The following AHNAK variants were observed in gnomAD, a reference collection of about 807,000 sequenced individuals.
AHNAK encodes AHNAK nucleoprotein.
In AHNAK, 23 loss-of-function variants were observed where a neutral mutation model predicts 37.8. The observed-to-expected ratio is 0.61, with a 90% CI of 0.44 to 0.86. The LOEUF (loss-of-function observed/expected upper bound fraction) is 0.86. Ranked by LOEUF, AHNAK falls within the 40% of genes least tolerant of loss-of-function variation. The probability of loss-of-function intolerance (pLI) is 0.00; values close to 1 mark genes in which losing one functional copy is unlikely to be tolerated. For missense variants in AHNAK, 7,411 were observed against 7,319.4 expected, an observed-to-expected ratio of 1.01 and a Z score of -0.46; for synonymous variants, 2,481 against 2,636.3, an observed-to-expected ratio of 0.94 and a Z score of 1.80.
intron 4 of AHNAK, among the ~76,000 whole-genome samples, chr11:62,534,717 G>A (rs1269281778): frequency 1.3e-5 from 2 of 152,172 alleles, no homozygotes. Context: ...TTGCAAAGCA[G>A]CTGACCTTCC....
At chr11:62,462,048 A>C (rs1938800902) in intron 5 of AHNAK, among the ~76,000 whole-genome samples, 1 of 152,232 alleles carries the variant, frequency 6.6e-6, no homozygotes, top group South Asian at 2.1e-4. Flanking sequence ...AGTCCTTCTA[A>C]AATGGCCTCT....
chr11:62,454,210 T>A (rs985902304), intron 5 of AHNAK, among the ~76,000 whole-genome samples: 11 of 151,068 alleles, frequency 7.3e-5, no homozygotes, highest in Non-Finnish European at 1.5e-4. Flanking sequence ...TCAGGAGATC[T>A]AGACCATCCT....
intron 4 of AHNAK, among the ~76,000 whole-genome samples, chr11:62,492,290 T>C (rs1161207529): frequency 6.6e-6 from 1 of 152,192 alleles, no homozygotes; most frequent in Non-Finnish European, 1.5e-5. Flanking sequence ...AGCATTAAGC[T>C]GGATACTGCG....
At chr11:62,452,843 G>A (rs1007229065) in intron 5 of AHNAK, among the ~76,000 whole-genome samples, 8 of 152,164 alleles carry the variant, frequency 5.3e-5, no homozygotes, top group South Asian at 4.2e-4. Flanking sequence ...TGGCCAACAC[G>A]GTGAAACCTT....
At chr11:62,545,327 T>C (rs531970178) in intron 1 of AHNAK, among the ~76,000 whole-genome samples, 1 of 152,184 alleles carries the variant, frequency 6.6e-6, no homozygotes, top group Non-Finnish European at 1.5e-5. Flanking sequence ...CGGCTACAGC[T>C]GAGAACACCC....
At position 62,528,657 on chromosome 11, in the gene AHNAK, G is replaced by T. The variant is rs755518764; in HGVS notation, c.5760C>A (p.Pro1920=). The stretch of plus-strand genomic sequence containing the variant: ...AGTCCACATCAGGCATGGAGATCTT[G>T]GGGGCCTTGAAGTGCATGTCTGGCA... ...FKMPDMHFKA[P]KISMPDVDLH... The change falls in exon 5 of 5, where the codon CCC becomes CCA. Residue 1920 remains proline (P), a synonymous_variant. Transcript: ENST00000378024. The T allele has an allele frequency of 6.2e-7, 1 of 1,609,892 alleles. No individual in the cohort carries two copies. The highest frequency in any genetic ancestry group is 8.5e-7 in the Non-Finnish European group (1 of 1,179,146).
In AHNAK at chr11:62,533,857, T is replaced by C. The variant is rs758960705; in HGVS notation, c.560A>G (p.His187Arg). Residue 187 changes from histidine (H) to arginine (R), a missense_variant, in exon 5 of 5, where the codon CAT becomes CGT. His to Arg is a conservative substitution (Grantham distance 29). Coordinates refer to ENST00000378024, the MANE Select transcript of AHNAK (RefSeq NM_001620.3). ...SPEFKIKIPR[H>R]ELTEISNVDV... ...CACATTGGAGATTTCAGTCAGTTCA[T>C]GTCTTGGAATCTTGATCTTGAATTC... The C allele has an allele frequency of 1.9e-6, 3 of 1,614,192 alleles. No homozygotes were observed. The highest frequency in any genetic ancestry group is 1.1e-5 in the South Asian group (1 of 91,080).
At chr11:62,460,050 G>C (rs1325859122) in intron 5 of AHNAK, among the ~76,000 whole-genome samples, 1 of 151,840 alleles carries the variant, frequency 6.6e-6, no homozygotes, top group South Asian at 2.1e-4. Flanking sequence ...CCCAGGAGGC[G>C]GAGGTAGTGG....
At chr11:62,468,298 A>AG (rs1938955334) in intron 5 of AHNAK, among the ~76,000 whole-genome samples, 1 of 151,904 alleles carries the variant, frequency 6.6e-6, no homozygotes, top group South Asian at 2.1e-4. Flanking sequence ...CAGTGAGCTG[A>AG]GATGGCCCCA....
Position 62,525,627 on chromosome 11 carries a change from C to G in AHNAK, c.8790G>C (p.Val2930=). 1 of 1,613,696 alleles carries G rather than the reference C, an allele frequency of 6.2e-7. No individual in the cohort carries two copies. The change falls in exon 5 of 5, where the codon GTG becomes GTC. Residue 2930 remains valine (V), a synonymous_variant. Transcript: ENST00000378024. ...KADVDVSGPK[V]DVEGPDVNIE... is the part of the protein sequence containing the mutation. ...TGTTAACATCAGGGCCTTCAACGTC[C>G]ACTTTGGGGCCTGAGACATCAACGT... is the stretch of plus-strand genomic sequence containing the variant.
chr11:62,433,770 A>G, exon 6 of AHNAK: 1 of 1,433,428 alleles, frequency 7.0e-7, no homozygotes, highest in Non-Finnish European at 9.8e-7. Context: ...CTTTAACTGC[A>G]GGTGTTTGTT....
rs114850207 is a variant in AHNAK at position 62,484,689 on chromosome 11, G to A, written c.442+7043C>T. On this transcript the variant is annotated intron_variant, in intron 5 of 5. Coordinates refer to the AHNAK transcript ENST00000257247. ...GGTATGGAAGCCTCTACGCTACCAC[G>A]AGCACTTAAGCATGCTTCCGAGTGA... Among the ~76,000 whole-genome samples, 265 of 152,296 alleles carry A rather than the reference G, an allele frequency of 1.7e-3. 2 individuals carry two copies. The highest frequency in any genetic ancestry group is 6.0e-3 in the African/African-American group (248 of 41,562).
chr11:62,527,018 T>C lies in AHNAK; in HGVS notation c.7399A>G (p.Ile2467Val). The change falls in exon 5 of 5, where the codon ATC becomes GTC. Residue 2467 changes from isoleucine (I) to valine (V), a missense_variant. Coordinates refer to ENST00000378024, the MANE Select transcript of AHNAK (RefSeq NM_001620.3). The part of the protein sequence containing the change: ...DVDLNLKGPK[I>V]KGDVDVSVPE... ...ACAGACACATCCACATCCCCCTTGA[T>C]TTTGGGTCCTTTGAGATTTAGATCA... 2 of 1,613,948 alleles carry C rather than the reference T, an allele frequency of 1.2e-6. No individual in the cohort carries two copies. Among genetic ancestry groups the C allele is most frequent in the East Asian group, 2.2e-5 (1 of 44,886 alleles).
intron 5 of AHNAK, among the ~76,000 whole-genome samples, chr11:62,482,237 A>T (rs1216767404): frequency 2.0e-5 from 3 of 152,148 alleles, no homozygotes; most frequent in African/African-American, 4.8e-5. Context: ...CAACATGGGG[A>T]AACCCCATCT....
chr11:62,530,320 A>G lies in AHNAK; in HGVS notation c.4097T>C (p.Ile1366Thr), dbSNP rs1415778190. ...DVDIKGPKVD[I>T]SAPDVDVHGP... is the part of the protein sequence containing the mutation. ...ATGAACATCCACATCTGGAGCACTAATGTCAACTTTGGGCCCTTTAATGTC... is the reference window on the plus strand; with the variant it reads ...ATGAACATCCACATCTGGAGCACTAGTGTCAACTTTGGGCCCTTTAATGTC... Residue 1366 changes from isoleucine (I) to threonine (T), a missense_variant, in exon 5 of 5, where the codon ATT (isoleucine) becomes ACT (threonine). By Grantham distance (89) the Ile-to-Thr change is moderately conservative. Transcript: ENST00000378024. 8.1e-6 allele frequency: 13 copies of G among 1,612,684 alleles called. No homozygotes were observed. The highest frequency in any genetic ancestry group is 7.7e-5 in the South Asian group (7 of 91,024).
intron 1 of AHNAK, 129 bp downstream of exon 1, chr11:62,546,531 A>G (rs1565255546): frequency 6.6e-6 from 1 of 152,242 alleles, no homozygotes; most frequent in Non-Finnish European, 1.5e-5. Flanking sequence ...CGCTTGCTCC[A>G]AACTGCTTGA....
chr11:62,518,816 C>T lies in AHNAK; in HGVS notation c.15601G>A (p.Val5201Ile). 2 of 1,614,248 alleles carry T rather than the reference C, an allele frequency of 1.2e-6. No homozygotes were observed. Among genetic ancestry groups the T allele is most frequent in the South Asian group, 2.2e-5 (2 of 91,092 alleles). The change falls in exon 5 of 5, where the codon GTA becomes ATA. Residue 5201 changes from valine to isoleucine, a missense_variant. Transcript: ENST00000378024. ...APQVSIPDVNVNLKGPKIKGD... is the reference protein window; with the variant it reads ...APQVSIPDVNINLKGPKIKGD... ...TTTATCTTTGGTCCTTTCAAGTTTA[C>T]ATTCACATCAGGGATGGAGACTTGA...
intron 5 of AHNAK, among the ~76,000 whole-genome samples, chr11:62,460,095 G>A (rs1200475837): frequency 6.6e-6 from 1 of 151,178 alleles, no homozygotes; most frequent in Non-Finnish European, 1.5e-5. Context: ...TCCAGCCTGG[G>A]CAACAAGAGC....
rs891233081 is a variant in AHNAK at position 62,448,432 on chromosome 11, G to A, written c.443-14541C>T. On this transcript the variant is annotated intron_variant, in intron 5 of 5. Coordinates refer to the AHNAK transcript ENST00000257247. Reference sequence around the variant, plus strand: ...TCGCCACACTACCTGCAGTGGTGGCGGTAGAGATGGAGAGAGGTGGCCACC... The same window carrying A: ...TCGCCACACTACCTGCAGTGGTGGCAGTAGAGATGGAGAGAGGTGGCCACC... 7.2e-5 allele frequency among the ~76,000 whole-genome samples: 11 copies of A among 152,348 alleles called. 1 individual carries two copies. In the Middle Eastern group the frequency reaches 0.01, roughly 141 times the overall value.
Sources: gnomAD v4.1 joint callset for allele counts (sites outside exome capture counted in the v4.1 genomes callset) on GRCh38, gnomAD v4.1.1 for gene constraint, MANE v1.5 for transcripts, NCBI Gene and HGNC (gene_info 2026-07-23, HGNC 2026-07-21) for gene names.